The following HAL variants were observed in gnomAD, a reference collection of about 807,000 sequenced individuals.
HAL encodes histidase.
A neutral mutation model predicts 81.1 loss-of-function variants in HAL; 85 were observed. The ratio of observed to expected loss-of-function variants is 1.05; its 90% CI spans 0.88 to 1.25. The LOEUF is 1.25. Ranked by LOEUF, HAL falls within the 50% of genes most tolerant of loss-of-function variation. The probability of loss-of-function intolerance (pLI) is 0.00; values close to 1 mark genes in which losing one functional copy is unlikely to be tolerated. For synonymous variants in HAL, 301 were observed against 309.2 expected, an observed-to-expected ratio of 0.97 and a Z score of 0.28; for missense variants, 798 against 836.6, an observed-to-expected ratio of 0.95 and a Z score of 0.57.
intron 15 of HAL, among the ~76,000 whole-genome samples, chr12:95,981,436 T>C (rs1483404805): frequency 6.6e-6 from 1 of 152,240 alleles, no homozygotes; most frequent in Non-Finnish European, 1.5e-5. Context: ...GTGGCAAGTT[T>C]AAATTTGCTG....
At chr12:95,990,281 T>G in intron 10 of HAL, 112 bp downstream of exon 10, 2 of 867,638 alleles carry the variant, frequency 2.3e-6, no homozygotes, top group Non-Finnish European at 4.0e-6. Context: ...GTAAGGATAG[T>G]AGGAGCTCCC....
At chr12:95,995,048 CCT>C in intron 2 of HAL, 55 bp from the exon 3 acceptor site, 1 of 1,330,094 alleles carries the variant, frequency 7.5e-7, no homozygotes, top group Non-Finnish European at 1.1e-6. Context: ...CCATGTTCCC[CCT>C]GTTAAACCAA....
At chr12:95,975,739 T>C (rs976045166) in intron 20 of HAL, among the ~76,000 whole-genome samples, 1 of 151,972 alleles carries the variant, frequency 6.6e-6, no homozygotes, top group African/African-American at 2.4e-5. Context: ...TGCTTAGAAA[T>C]AATGGGTGTG....
intron 12 of HAL, 58 bp from the exon 13 acceptor site, chr12:95,986,218 G>C: frequency 9.7e-7 from 1 of 1,035,614 alleles, no homozygotes; most frequent in Non-Finnish European, 1.5e-6. Context: ...TTTTTTTAAA[G>C]ATGGGGGTCT....
chr12:95,988,469 C>A (rs925827292), intron 10 of HAL, among the ~76,000 whole-genome samples: 1 of 152,136 alleles, frequency 6.6e-6, no homozygotes, highest in Non-Finnish European at 1.5e-5. Context: ...AAATCAGGGG[C>A]TCCATTGTCT....
chr12:95,982,148 T>G (rs1033679349), intron 15 of HAL, among the ~76,000 whole-genome samples: 14 of 152,208 alleles, frequency 9.2e-5, no homozygotes, highest in African/African-American at 3.1e-4. Context: ...GGCTATTAGA[T>G]TAAAACAATT....
intron 9 of HAL, among the ~76,000 whole-genome samples, chr12:95,991,250 T>TTTTTG (rs1346538058): frequency 6.6e-5 from 10 of 152,220 alleles, no homozygotes; most frequent in South Asian, 2.1e-4. Context: ...CTAGCTGTTT[T>TTTTTG]TTTTTGTTTT....
chr12:95,987,492 T>G, intron 11 of HAL, among the ~76,000 whole-genome samples: 1 of 152,168 alleles, frequency 6.6e-6, no homozygotes, highest in Admixed American at 6.5e-5. Context: ...GAGTGTAGAC[T>G]GCACATAAAA....
Position 95,987,064 on chromosome 12 carries a change from G to A in HAL, c.1051+3C>T. ...AACAACCAAAAGGAAGAACCCTGCT[G>A]ACCAGTGTCAAAGGCTTTGGTGGTG... is the stretch of plus-strand genomic sequence containing the variant. On this transcript the variant is annotated splice_donor_region_variant and intron_variant, in intron 12 of 20. Coordinates refer to ENST00000261208, the MANE Select transcript of HAL (RefSeq NM_002108.4). The A allele has an allele frequency of 6.2e-7, 1 of 1,611,362 alleles. No homozygotes were observed. The highest frequency in any genetic ancestry group is 1.3e-5 in the African/African-American group (1 of 74,966).
chr12:95,993,710 T>A (rs750135689), intron 7 of HAL, 62 bp downstream of exon 7: 14 of 997,912 alleles, frequency 1.4e-5, no homozygotes, highest in Non-Finnish European at 2.3e-5. Flanking sequence ...ATTTCCCTTG[T>A]TGAAAAATAT....
chr12:95,983,633 C>T (rs980140740), intron 15 of HAL: 22 of 479,442 alleles, frequency 4.6e-5, no homozygotes, highest in African/African-American at 4.1e-4. Flanking sequence ...ACATGTCAGC[C>T]AATGCTGGAA....
chr12:95,974,699 G>A (rs753696588), intron 20 of HAL, among the ~76,000 whole-genome samples: 30 of 152,020 alleles, frequency 2.0e-4, no homozygotes, highest in Admixed American at 5.9e-4. Flanking sequence ...GTTGCTCCAG[G>A]GTCTTAACAG....
chr12:95,993,606 G>A (rs759224750), intron 7 of HAL, 118 bp from the exon 8 acceptor site: 1 of 879,146 alleles, frequency 1.1e-6, no homozygotes, highest in South Asian at 1.3e-5. Context: ...AAGGCAATGG[G>A]AGAAACCAGC....
At chr12:95,977,769 G>A (rs12427251) in intron 18 of HAL, among the ~76,000 whole-genome samples, 175 bp downstream of exon 18, 32,162 of 151,874 alleles carry the variant, frequency 0.21, 3,834 homozygotes, top group South Asian at 0.33. Flanking sequence ...AACACAGATT[G>A]CTCCGCTCTC....
chr12:95,980,536 G>T lies in HAL; in HGVS notation c.1519+20C>A. On this transcript the variant is annotated intron_variant, in intron 17 of 20. Coordinates refer to ENST00000261208, the MANE Select transcript of HAL (RefSeq NM_002108.4). The stretch of plus-strand genomic sequence containing the variant: ...TTAGATGGACGGGCGTGTGTTCTGG[G>T]AAAGGGGCAGTGTCCTTACCAAGGG... 6.2e-7 allele frequency: 1 copy of T among 1,610,846 alleles called. No individual in the cohort carries two copies. Among genetic ancestry groups the T allele is most frequent in the Non-Finnish European group, 8.5e-7 (1 of 1,178,324 alleles).
chr12:95,984,619 T>A (rs1949854997), intron 14 of HAL, among the ~76,000 whole-genome samples: 1 of 152,244 alleles, frequency 6.6e-6, no homozygotes. Context: ...GTCTGTGTGA[T>A]CGTGGGCAAG....
rs1277090227 is a variant in HAL, at chr12:95,994,183, T to A, written c.337-19A>T. On this transcript the variant is annotated intron_variant, in intron 4 of 20. Transcript: ENST00000261208. The stretch of plus-strand genomic sequence containing the variant: ...CGATGTACTACACAAAAGAAGGGGA[T>A]CTCAGTGAGTCTGAACAGCTTGATT... 2 of 1,552,726 alleles carry A rather than the reference T, an allele frequency of 1.3e-6. No homozygotes were observed. Among genetic ancestry groups the A allele is most frequent in the Non-Finnish European group, 1.8e-6 (2 of 1,123,918 alleles).
intron 20 of HAL, 80 bp from the exon 21 acceptor site, chr12:95,974,452 G>A: frequency 7.9e-7 from 1 of 1,264,688 alleles, no homozygotes; most frequent in South Asian, 1.2e-5. Flanking sequence ...TTCATCCGAA[G>A]TCAAAACATA....
At chr12:95,993,408 C>G (rs374431130) in intron 8 of HAL, 43 bp downstream of exon 8, 2 of 1,279,602 alleles carry the variant, frequency 1.6e-6, no homozygotes, top group African/African-American at 1.5e-5. Context: ...CTTTATTCAT[C>G]TAATCACACA....
Sources: allele counts gnomAD v4.1 joint callset (sites outside exome capture counted in the v4.1 genomes callset), GRCh38; gene constraint gnomAD v4.1.1; transcripts MANE v1.5; gene names NCBI Gene and HGNC (gene_info 2026-07-23, HGNC 2026-07-21).